Variants in BNC1 observed in about 807,000 individuals in gnomAD.
BNC1 encodes zinc finger protein basonuclin-1.
In BNC1, 8 loss-of-function variants were observed where a neutral mutation model predicts 66.5. The ratio of observed to expected loss-of-function variants is 0.12; its 90% CI spans 0.07 to 0.22. The LOEUF (loss-of-function observed/expected upper bound fraction) is 0.22, where lower values mean the gene tolerates loss of function less well. BNC1 is among the 10% of genes least tolerant of loss of function. The probability of loss-of-function intolerance (pLI) is 1.00; values close to 1 mark genes in which losing one functional copy is unlikely to be tolerated. For missense variants in BNC1, 1,069 were observed against 1,241.3 expected (o/e 0.86, Z 2.09); for synonymous variants, 454 against 452.6 (o/e 1.00, Z -0.04).
chr15:83,275,996 T>A (rs987431813), intron 1 of BNC1, among the ~76,000 whole-genome samples: 1 of 152,102 alleles, frequency 6.6e-6, no homozygotes, highest in Non-Finnish European at 1.5e-5. Context: ...CACCTTTCAC[T>A]GAGAGGTAGT....
rs2038271576 is a variant in BNC1, at chr15:83,271,754, A to C, written c.100-3522T>G. On this transcript the variant is annotated intron_variant, in intron 1 of 4. Transcript: ENST00000345382. ...TTAGGTGTGGAGGTTAATGAAAAAA[A>C]ATCAAGAAACACTGTTCTAATGACA... 2.0e-5 allele frequency among the ~76,000 whole-genome samples: 3 copies of C among 152,258 alleles called. No individual in the cohort carries two copies. The South Asian group carries it at 6.2e-4, about 32-fold the overall frequency.
At position 83,263,183 on chromosome 15, in the gene BNC1, T is replaced by C. The variant is rs774458028; in HGVS notation, c.2068A>G (p.Arg690Gly). 2.5e-6 allele frequency: 4 copies of C among 1,614,202 alleles called. No homozygotes were observed. The highest frequency in any genetic ancestry group is 4.5e-5 in the East Asian group (2 of 44,886). The stretch of plus-strand genomic sequence containing the variant: ...TCAAGACAAGGAAAAGCCATTCCCC[T>C]GTTGGACAAAGCACTGAAGAGTCCC... ...AGGLFSALSN[R>G]GMAFPCLEDS... Residue 690 changes from arginine to glycine, a missense_variant, in exon 4 of 5, where the codon AGG becomes GGG. By Grantham distance (125) the Arg-to-Gly change is moderately radical. This residue lies in a region of BNC1 where 657 missense variants were observed against 715.8 expected (regional missense o/e 0.92). Transcript: ENST00000345382.
chr15:83,282,492 A>G (rs1056033660), intron 1 of BNC1, among the ~76,000 whole-genome samples: 1 of 152,258 alleles, frequency 6.6e-6, no homozygotes, highest in Admixed American at 6.5e-5. Flanking sequence ...CATCTGAAGT[A>G]ATGTTCTTTT....
chr15:83,281,897 G>A (rs2038382496), intron 1 of BNC1, among the ~76,000 whole-genome samples: 1 of 152,210 alleles, frequency 6.6e-6, no homozygotes, highest in African/African-American at 2.4e-5. Context: ...GTGGGCATGG[G>A]CCTGGGATGC....
chr15:83,283,967 G>C (rs1002313302), intron 1 of BNC1, among the ~76,000 whole-genome samples: 1 of 152,000 alleles, frequency 6.6e-6, no homozygotes, highest in Non-Finnish European at 1.5e-5. Flanking sequence ...GCCTCCTCAC[G>C]GCCGCCCGCC....
intron 3 of BNC1, among the ~76,000 whole-genome samples, chr15:83,265,226 C>A (rs919142887): frequency 6.6e-6 from 1 of 152,130 alleles, no homozygotes; most frequent in Non-Finnish European, 1.5e-5. Flanking sequence ...AACAATCAGG[C>A]CTAGATGCAG....
intron 1 of BNC1, among the ~76,000 whole-genome samples, chr15:83,273,302 T>C (rs1298253319): frequency 1.3e-5 from 2 of 152,092 alleles, no homozygotes; most frequent in Non-Finnish European, 2.9e-5. Context: ...CATAGTAAAA[T>C]TACAGCACCA....
At chr15:83,284,442 A>G in intron 1 of BNC1, 88 bp downstream of exon 1, 6 of 860,824 alleles carry the variant, frequency 7.0e-6, no homozygotes, top group Non-Finnish European at 8.6e-6. Context: ...GCCCTCGGGT[A>G]CCCACGGGAG....
At chr15:83,282,365 C>T (rs2038387767) in intron 1 of BNC1, among the ~76,000 whole-genome samples, 1 of 152,156 alleles carries the variant, frequency 6.6e-6, no homozygotes, top group Non-Finnish European at 1.5e-5. Flanking sequence ...TTCGTTTTAA[C>T]CATCTGAAAG....
At chr15:83,281,102 C>CTGTTCT (rs1416876649) in intron 1 of BNC1, among the ~76,000 whole-genome samples, 3 of 152,190 alleles carry the variant, frequency 2.0e-5, no homozygotes, top group African/African-American at 4.8e-5. Context: ...AGAAACAAGT[C>CTGTTCT]TGTTCTCTGT....
intron 1 of BNC1, among the ~76,000 whole-genome samples, chr15:83,275,894 T>C (rs1024974245): frequency 6.6e-6 from 1 of 151,800 alleles, no homozygotes; most frequent in Admixed American, 6.6e-5. Flanking sequence ...TTTTTTTTTT[T>C]ATGTATGAAA....
chr15:83,258,370 CTTCT>C (rs2038106428), intron 4 of BNC1, among the ~76,000 whole-genome samples: 4 of 152,186 alleles, frequency 2.6e-5, no homozygotes, highest in Admixed American at 2.6e-4. Flanking sequence ...AATATGTAGT[CTTCT>C]TTGATTTCCA....
chr15:83,269,298 T>C lies in BNC1; in HGVS notation c.100-1066A>G, dbSNP rs55990651. ...TTTAAGATGAGTTTCTCAAAGGAGA[T>C]ACAGTACTGAAGAATATAATCTATT... On this transcript the variant is annotated intron_variant, in intron 1 of 4. Transcript: ENST00000345382. Among the ~76,000 whole-genome samples, 292 of 152,220 alleles carry C rather than the reference T, an allele frequency of 1.9e-3. 1 individual carries two copies. The highest frequency in any genetic ancestry group is 6.7e-3 in the African/African-American group (279 of 41,544).
intron 1 of BNC1, among the ~76,000 whole-genome samples, chr15:83,273,694 G>A (rs2038290387): frequency 6.6e-6 from 1 of 152,200 alleles, no homozygotes; most frequent in South Asian, 2.1e-4. Context: ...GGGATAGAAA[G>A]TTATGACCTA....
chr15:83,272,345 C>T (rs1273477584), intron 1 of BNC1, among the ~76,000 whole-genome samples: 2 of 151,644 alleles, frequency 1.3e-5, no homozygotes, highest in Non-Finnish European at 2.9e-5. Context: ...ATTCTTGTGC[C>T]TCAGCCTCCT....
At chr15:83,262,856 AG>A in intron 4 of BNC1, 94 bp downstream of exon 4, 1 of 1,299,340 alleles carries the variant, frequency 7.7e-7, no homozygotes, top group Non-Finnish European at 1.0e-6. Context: ...GGGGCTCAGA[AG>A]TCTGTGTTTT....
chr15:83,273,227 A>G (rs1207162113), intron 1 of BNC1, among the ~76,000 whole-genome samples: 5 of 152,232 alleles, frequency 3.3e-5, no homozygotes, highest in Admixed American at 6.5e-5. Context: ...AGCTAATTAC[A>G]GTGTCTAAGA....
chr15:83,275,010 A>C (rs1440965421), intron 1 of BNC1, among the ~76,000 whole-genome samples: 1 of 152,240 alleles, frequency 6.6e-6, no homozygotes, highest in Non-Finnish European at 1.5e-5. Context: ...AAAGTTCCAC[A>C]CAGTAAAGAC....
Position 83,257,034 on chromosome 15 carries a change from T to G in BNC1, c.*408A>C, listed in dbSNP as rs959672048. On this transcript the variant is annotated 3_prime_UTR_variant, in exon 5 of 5. Transcript: ENST00000345382. Reference sequence around the variant, plus strand: ...AAATGCTGTTTTGGGGACTGGTATCTTGTCCACAGAGTCTTCTTCCCCAGG... The same window carrying G: ...AAATGCTGTTTTGGGGACTGGTATCGTGTCCACAGAGTCTTCTTCCCCAGG... 1 of 145,526 alleles carries G rather than the reference T, an allele frequency of 6.9e-6. No individual in the cohort carries two copies. The highest frequency in any genetic ancestry group is 4.1e-5 in the African/African-American group (1 of 24,452). The allele number at this position is 145,526 out of a possible 1,614,324, so 9.0% of individuals were successfully genotyped here.
Sources: gnomAD v4.1 joint callset for allele counts (sites outside exome capture counted in the v4.1 genomes callset) on GRCh38, gnomAD v4.1.1 for gene constraint, gnomAD v4.1.1 regional missense constraint, MANE v1.5 for transcripts, NCBI Gene and HGNC (gene_info 2026-07-23, HGNC 2026-07-21) for gene names.